Variants in RRBP1 observed in about 807,000 individuals in gnomAD.
RRBP1 encodes ribosome binding protein 1, also known as ribosome-binding protein 1.
In RRBP1, 94 loss-of-function variants were observed where a neutral mutation model predicts 165.2. The observed-to-expected ratio is 0.57, with a 90% confidence interval of 0.48 to 0.68. The LOEUF is 0.68. Ranked by LOEUF, RRBP1 falls within the 30% of genes least tolerant of loss-of-function variation. RRBP1 has a pLI of 0.00. For missense variants in RRBP1, 1,676 were observed against 1,763.0 expected, an observed-to-expected ratio of 0.95 and a Z score of 0.88; for synonymous variants, 680 against 714.5, an observed-to-expected ratio of 0.95 and a Z score of 0.77.
In RRBP1 at chr20:17,660,496, G is replaced by A. The variant is rs200787681; in HGVS notation, c.12C>T (p.Tyr4=). ...CCACAACCCCCAAGGTTTGAGTGTC[G>A]TAAATATCCATCCTGGCTTGCTTTC... The part of the protein sequence containing the change: MDI[Y]DTQTLGVVVF... Residue 4 remains tyrosine (Y), a synonymous_variant, in exon 3 of 25, where the codon TAC becomes TAT. Coordinates refer to ENST00000377813, the MANE Select transcript of RRBP1 (RefSeq NM_001365613.2). 7.1e-5 allele frequency: 115 copies of A among 1,612,468 alleles called. 2 individuals are homozygous for A. The highest frequency in any genetic ancestry group is 5.3e-4 in the East Asian group (24 of 44,876).
intron 2 of RRBP1, among the ~76,000 whole-genome samples, chr20:17,677,070 A>G (rs1006014051): frequency 1.1e-4 from 5 of 46,196 alleles, no homozygotes; most frequent in Non-Finnish European, 3.8e-4. Context: ...ATTTTAGTGA[A>G]AAAAAAAAAA....
Position 17,624,608 on chromosome 20 carries a change from T to C in RRBP1, c.3115A>G (p.Lys1039Glu), listed in dbSNP as rs1344932985. 4 of 1,593,428 alleles carry C rather than the reference T, an allele frequency of 2.5e-6. No individual in the cohort carries two copies. The highest frequency in any genetic ancestry group is 3.4e-6 in the Non-Finnish European group (4 of 1,170,460). Residue 1039 changes from lysine to glutamate, a missense_variant, in exon 13 of 25, where the codon AAG becomes GAG. Physicochemically the swap from Lys to Glu is moderately conservative, Grantham distance 56. Coordinates refer to ENST00000377813, the MANE Select transcript of RRBP1 (RefSeq NM_001365613.2). Reference protein sequence around the residue: ...EALATAEQACKEKLLSLTQAK... With the variant: ...EALATAEQACEEKLLSLTQAK... ...TGGGTCAGGGAGAGCAGCTTCTCCTTGCAGGCCTGCTCGGCCGTGGCCAGT... is the reference window on the plus strand; with the variant it reads ...TGGGTCAGGGAGAGCAGCTTCTCCTCGCAGGCCTGCTCGGCCGTGGCCAGT...
rs1186346528 is a variant in RRBP1, at chr20:17,626,288, A to G, written c.2964-686T>C. ...TGGCCCAAGAATCTGATCTTAAAAC[A>G]CAAGAGCAAAACAACAACCTCTCTA... is the stretch of plus-strand genomic sequence containing the variant. On this transcript the variant is annotated intron_variant, in intron 11 of 24. Transcript: ENST00000377813. Among the ~76,000 whole-genome samples, 8 of 152,250 alleles carry G rather than the reference A, an allele frequency of 5.3e-5. 1 individual carries two copies. The South Asian group carries it at 1.7e-3, about 31-fold the overall frequency.
At position 17,658,954 on chromosome 20, in the gene RRBP1, C is replaced by A; in HGVS notation, c.1554G>T (p.Gln518His). The change falls in exon 3 of 25, where the codon CAG (glutamine) becomes CAT (histidine). Residue 518 changes from glutamine to histidine, a missense_variant. By Grantham distance (24) the Gln-to-His change is conservative. Transcript: ENST00000377813. ...QGQKGEGAQN[Q>H]GKKTEGAQGK... ...CCTGAGCCCCTTCTGTCTTTTTACC[C>A]TGATTCTGGGCTCCCTCTCCTTTTT... The A allele has an allele frequency of 6.2e-7, 1 of 1,612,824 alleles. No homozygotes were observed. The highest frequency in any genetic ancestry group is 1.1e-5 in the South Asian group (1 of 91,086).
At chr20:17,640,550 C>T (rs554159003) in intron 5 of RRBP1, among the ~76,000 whole-genome samples, 38 of 152,288 alleles carry the variant, frequency 2.5e-4, no homozygotes, top group Admixed American at 7.8e-4. Context: ...CCAACAGGAC[C>T]TCTTCCGGCT....
At chr20:17,638,320 T>C (rs2036285013) in intron 5 of RRBP1, among the ~76,000 whole-genome samples, 2 of 152,130 alleles carry the variant, frequency 1.3e-5, no homozygotes, top group Admixed American at 6.5e-5. Flanking sequence ...AAACCAAAGC[T>C]CATGGAGACC....
chr20:17,617,395 G>C (rs886138121), intron 20 of RRBP1, among the ~76,000 whole-genome samples: 1 of 152,218 alleles, frequency 6.6e-6, no homozygotes, highest in Non-Finnish European at 1.5e-5. Context: ...TCCAATTGGA[G>C]ACCCAGGTGG....
intron 2 of RRBP1, among the ~76,000 whole-genome samples, chr20:17,669,614 A>C (rs748092769): frequency 1.3e-5 from 2 of 152,218 alleles, no homozygotes; most frequent in African/African-American, 4.8e-5. Flanking sequence ...ATAAGGATCA[A>C]ATCTAAACAG....
Position 17,631,926 on chromosome 20 carries a change from T to C in RRBP1, c.2610+1534A>G, listed in dbSNP as rs1213294509. 2.6e-5 allele frequency among the ~76,000 whole-genome samples: 4 copies of C among 152,128 alleles called. No individual in the cohort carries two copies. In the East Asian group the frequency reaches 7.7e-4, roughly 29 times the overall value. The stretch of plus-strand genomic sequence containing the variant: ...TACAACCTCAACCGCCAGTCTGACT[T>C]GGAGATATCTTGAATAAAATTTTGT... On this transcript the variant is annotated intron_variant, in intron 8 of 24. Transcript: ENST00000377813.
At chr20:17,641,109 C>T (rs2036348598) in intron 5 of RRBP1, among the ~76,000 whole-genome samples, 1 of 152,218 alleles carries the variant, frequency 6.6e-6, no homozygotes, top group Admixed American at 6.5e-5. Flanking sequence ...GGCACCAGGG[C>T]CCACCCTCAG....
At chr20:17,615,778 G>T in intron 22 of RRBP1, 148 bp downstream of exon 22, 1 of 719,818 alleles carries the variant, frequency 1.4e-6, no homozygotes, top group Non-Finnish European at 2.2e-6. Context: ...CCACCTGCCC[G>T]GGCCCCACCC....
Position 17,636,736 on chromosome 20 carries a change from G to A in RRBP1, c.2185-7C>T, listed in dbSNP as rs757233418. On this transcript the variant is annotated splice_polypyrimidine_tract_variant and splice_region_variant and intron_variant, in intron 5 of 24. Coordinates refer to ENST00000377813, the MANE Select transcript of RRBP1 (RefSeq NM_001365613.2). ...CCTTTTCTGCTGCCATCTCCTGGGG[G>A]GAAAGTAGCAGAGAGAGGGGCTGGT... The A allele has an allele frequency of 1.1e-5, 17 of 1,612,536 alleles. No individual in the cohort carries two copies. The highest frequency in any genetic ancestry group is 2.7e-5 in the African/African-American group (2 of 75,066).
intron 2 of RRBP1, among the ~76,000 whole-genome samples, chr20:17,670,121 A>C (rs955888452): frequency 2.0e-5 from 3 of 152,242 alleles, no homozygotes; most frequent in Non-Finnish European, 4.4e-5. Context: ...GTTTACATAA[A>C]TAGATGTTGA....
At chr20:17,623,262 A>C (rs1317155808) in intron 13 of RRBP1, 1 of 152,186 alleles carries the variant, frequency 6.6e-6, no homozygotes, top group Non-Finnish European at 1.5e-5. Flanking sequence ...GCCATCCTTC[A>C]CCTCCTGCCC....
intron 7 of RRBP1, among the ~76,000 whole-genome samples, chr20:17,633,879 A>AACACGG (rs1440841458): frequency 2.0e-5 from 3 of 152,218 alleles, no homozygotes; most frequent in Non-Finnish European, 2.9e-5. Context: ...CCCTCCCAGA[A>AACACGG]ACAGCCAGAA....
At chr20:17,625,154 G>A (rs1373162801) in intron 12 of RRBP1, among the ~76,000 whole-genome samples, 1 of 152,162 alleles carries the variant, frequency 6.6e-6, no homozygotes, top group African/African-American at 2.4e-5. Flanking sequence ...CACCAGGACA[G>A]CAGGCATGCC....
In RRBP1 at chr20:17,621,686, T is replaced by G; in HGVS notation, c.3324+4A>C. ...GAGGAGCCTTGCCAGGCAGCCACAC[T>G]TACCGAGGAGGGCTCCGCGGGAGCT... On this transcript the variant is annotated splice_donor_region_variant and intron_variant, in intron 15 of 24. Coordinates refer to ENST00000377813, the MANE Select transcript of RRBP1 (RefSeq NM_001365613.2). 1 of 1,613,314 alleles carries G rather than the reference T, an allele frequency of 6.2e-7. No homozygotes were observed. Among genetic ancestry groups the G allele is most frequent in the Non-Finnish European group, 8.5e-7 (1 of 1,179,770 alleles).
At position 17,660,220 on chromosome 20, in the gene RRBP1, AAGG is replaced by A. The variant is rs1568783332; in HGVS notation, c.285_287del (p.Leu96del). On this transcript the variant is annotated inframe_deletion, in exon 3 of 25. Transcript: ENST00000377813. Reference sequence around the variant, plus strand: ...CAGCAGGAGCCCGCACTGGTTCTCGAAGGAGGACAGTCACATTGGGGGCTGGAT... The same window carrying A: ...CAGCAGGAGCCCGCACTGGTTCTCGAAGGACAGTCACATTGGGGGCTGGAT... The A allele has an allele frequency of 3.1e-6, 5 of 1,613,562 alleles. No homozygotes were observed. Among genetic ancestry groups the A allele is most frequent in the Admixed American group, 1.7e-5 (1 of 59,890 alleles).
intron 3 of RRBP1, among the ~76,000 whole-genome samples, chr20:17,656,678 TAA>T (rs1202245033): frequency 6.6e-6 from 1 of 152,152 alleles, no homozygotes; most frequent in Non-Finnish European, 1.5e-5. Context: ...AAATCCACTG[TAA>T]AAAAATCTGT....
Sources: allele counts gnomAD v4.1 joint callset (sites outside exome capture counted in the v4.1 genomes callset), GRCh38; gene constraint gnomAD v4.1.1; transcripts MANE v1.5; gene names NCBI Gene and HGNC (gene_info 2026-07-23, HGNC 2026-07-21).